Variants in IGLL5 observed in about 807,000 individuals in gnomAD.
The protein encoded by IGLL5 is immunoglobulin lambda like polypeptide 5.
IGLL5 carries 30 observed loss-of-function variants against 20.9 expected under a neutral mutation model. The ratio of observed to expected loss-of-function variants is 1.44; its 90% CI spans 1.07 to 1.95. The LOEUF (loss-of-function observed/expected upper bound fraction) is 1.95, where lower values mean the gene tolerates loss of function less well. IGLL5 is among the 30% of genes most tolerant of loss of function. The pLI, the probability that IGLL5 is intolerant of heterozygous loss-of-function variation, is 0.00. For missense variants in IGLL5, 475 were observed against 270.7 expected (o/e 1.75, Z -5.30); for synonymous variants, 203 against 117.3 (o/e 1.73, Z -4.72).
intron 1 of IGLL5, among the ~76,000 whole-genome samples, chr22:22,891,652 GACATGATGT>G (rs2067850226): frequency 6.6e-6 from 1 of 151,242 alleles, no homozygotes; most frequent in Non-Finnish European, 1.5e-5. Flanking sequence ...TTTGTTCAGA[GACATGATGT>G]ACTCTCCATT....
chr22:22,889,718 G>A (rs569473934), intron 1 of IGLL5, among the ~76,000 whole-genome samples: 3 of 151,254 alleles, frequency 2.0e-5, no homozygotes, highest in East Asian at 2.0e-4. Context: ...CTCCTGAGTA[G>A]CTAGGACTAC....
At chr22:22,888,841 T>C (rs536417171) in intron 1 of IGLL5, among the ~76,000 whole-genome samples, 6 of 151,204 alleles carry the variant, frequency 4.0e-5, no homozygotes, top group Admixed American at 1.3e-4. Context: ...CCACGGCCCA[T>C]GTTTGGAGCA....
chr22:22,890,834 T>C (rs892244469), intron 1 of IGLL5, among the ~76,000 whole-genome samples: 2 of 151,148 alleles, frequency 1.3e-5, no homozygotes, highest in African/African-American at 2.4e-5. Flanking sequence ...GTGTTTATGG[T>C]TTTATTGTGT....
chr22:22,894,442 C>T (rs534219181), intron 2 of IGLL5, among the ~76,000 whole-genome samples: 5 of 151,462 alleles, frequency 3.3e-5, no homozygotes, highest in East Asian at 2.0e-4. Context: ...GTGCCAGAAT[C>T]CAACCCTCCC....
Position 22,888,267 on chromosome 22 carries a change from G to A in IGLL5, c.206+8G>A, listed in dbSNP as rs181787178. 7.1e-6 allele frequency: 11 copies of A among 1,546,734 alleles called. No homozygotes were observed. The highest frequency in any genetic ancestry group is 4.9e-5 in the East Asian group (2 of 40,624). On this transcript the variant is annotated splice_region_variant and intron_variant, in intron 1 of 2. Coordinates refer to ENST00000526893, the MANE Select transcript of IGLL5 (RefSeq NM_001178126.2). ...GCGGAGCCTGTGGGGCAGGTAAGGG[G>A]CAAGAGATTCCAGGGGATGTGGGGG...
At chr22:22,894,317 CAAGGGGAGA>C in intron 2 of IGLL5, among the ~76,000 whole-genome samples, 1 of 151,360 alleles carries the variant, frequency 6.6e-6, no homozygotes, top group East Asian at 2.0e-4. Flanking sequence ...GAGGTCACCC[CAAGGGGAGA>C]CCAATGGAGG....
At position 22,887,984 on chromosome 22, in the gene IGLL5, A is replaced by G. The variant is rs2067556162; in HGVS notation, c.-70A>G. 3 of 1,259,412 alleles carry G rather than the reference A, an allele frequency of 2.4e-6. No homozygotes were observed. Among genetic ancestry groups the G allele is most frequent in the Non-Finnish European group, 2.3e-6 (2 of 882,786 alleles). 78.0% of individuals were successfully genotyped at this position (1,259,412 alleles called of 1,614,324 possible). On this transcript the variant is annotated 5_prime_UTR_variant, in exon 1 of 3. Coordinates refer to ENST00000526893, the MANE Select transcript of IGLL5 (RefSeq NM_001178126.2). ...TGTAACAGCCCTGCTGGCGAGAGGG[A>G]CCAGGGCACCGTCCTCCAGGGAGCC...
At position 22,895,440 on chromosome 22, in the gene IGLL5, A is replaced by G. The variant is rs2066745969; in HGVS notation, c.391A>G (p.Lys131Glu). 6.2e-7 allele frequency: 1 copy of G among 1,612,828 alleles called. No individual in the cohort carries two copies. The highest frequency in any genetic ancestry group is 8.5e-7 in the Non-Finnish European group (1 of 1,179,562). The change falls in exon 3 of 3, where the codon AAG becomes GAG. Residue 131 changes from lysine (K) to glutamate (E), a missense_variant. By Grantham distance (56) the Lys-to-Glu change is moderately conservative (BLOSUM62 1). Transcript: ENST00000526893. ...PPSSEELQAN[K>E]ATLVCLISDF... ...CTCCTCTGAGGAGCTCCAAGCCAACAAGGCCACACTAGTGTGTCTGATCAG... is the reference window on the plus strand; with the variant it reads ...CTCCTCTGAGGAGCTCCAAGCCAACGAGGCCACACTAGTGTGTCTGATCAG...
At chr22:22,895,018 A>C (rs577430427) in intron 2 of IGLL5, among the ~76,000 whole-genome samples, 2 of 151,398 alleles carry the variant, frequency 1.3e-5, no homozygotes, top group African/African-American at 2.4e-5. Flanking sequence ...GGAGGGGGGT[A>C]TAGGGATGGA....
intron 1 of IGLL5, among the ~76,000 whole-genome samples, chr22:22,889,733 G>A (rs1473776340): frequency 6.6e-6 from 1 of 151,136 alleles, no homozygotes; most frequent in Non-Finnish European, 1.5e-5. Context: ...GACTACAGAT[G>A]CAGGCCACTA....
In IGLL5 at chr22:22,888,043, C is replaced by A. The variant is rs528299670; in HGVS notation, c.-11C>A. On this transcript the variant is annotated 5_prime_UTR_variant, in exon 1 of 3. Coordinates refer to ENST00000526893, the MANE Select transcript of IGLL5 (RefSeq NM_001178126.2). ...AAGTCGGGCCAGAGGTGCCCCTGAA[C>A]CTGAAGGCCAATGAGACCCAAGACA... 2 of 1,548,488 alleles carry A rather than the reference C, an allele frequency of 1.3e-6. No homozygotes were observed. Among genetic ancestry groups the A allele is most frequent in the Admixed American group, 2.0e-5 (1 of 50,800 alleles).
Position 22,893,818 on chromosome 22 carries a change from G to A in IGLL5, c.325G>A (p.Gly109Ser), listed in dbSNP as rs201857114. ...FGTGTKVTVLGQPKANPTVTL... is the reference protein window; with the variant it reads ...FGTGTKVTVLSQPKANPTVTL... ...AACTGGGACCAAGGTCACCGTCCTA[G>A]GTAAGTGGCTCTCAACCTTTCCCAG... Residue 109 changes from glycine (G) to serine (S), a missense_variant and splice_region_variant, in exon 2 of 3, where the codon GGT (glycine) becomes AGT (serine). Gly to Ser is a moderately conservative substitution (Grantham distance 56). Coordinates refer to ENST00000526893, the MANE Select transcript of IGLL5 (RefSeq NM_001178126.2). 24 of 1,598,088 alleles carry A rather than the reference G, an allele frequency of 1.5e-5. No individual in the cohort carries two copies. The highest frequency in any genetic ancestry group is 5.4e-5 in the African/African-American group (4 of 74,426).
At chr22:22,889,668 G>A (rs2067743700) in intron 1 of IGLL5, among the ~76,000 whole-genome samples, 1 of 151,272 alleles carries the variant, frequency 6.6e-6, no homozygotes, top group African/African-American at 2.4e-5. Flanking sequence ...GCTCACTGCA[G>A]CCTCAACCTC....
rs377135492 is a variant in IGLL5, at chr22:22,895,489, C to A, written c.440C>A (p.Thr147Lys). 20 of 1,612,656 alleles carry A rather than the reference C, an allele frequency of 1.2e-5. No homozygotes were observed. Among genetic ancestry groups the A allele is most frequent in the African/African-American group, 2.7e-5 (2 of 74,770 alleles). The change falls in exon 3 of 3, where the codon ACA becomes AAA. Residue 147 changes from threonine to lysine, a missense_variant. Transcript: ENST00000526893. ...AGTGACTTCTACCCGGGAGCTGTGA[C>A]AGTGGCCTGGAAGGCAGATGGCAGC... ...LISDFYPGAVTVAWKADGSPV... is the reference protein window; with the variant it reads ...LISDFYPGAVKVAWKADGSPV...
At chr22:22,889,003 G>C (rs575097775) in intron 1 of IGLL5, among the ~76,000 whole-genome samples, 1 of 151,322 alleles carries the variant, frequency 6.6e-6, no homozygotes, top group Non-Finnish European at 1.5e-5. Flanking sequence ...GGGTGACTGG[G>C]AAGGGGAGGC....
intron 2 of IGLL5, among the ~76,000 whole-genome samples, chr22:22,894,235 G>A (rs530925852): frequency 1.3e-5 from 2 of 151,316 alleles, no homozygotes; most frequent in Middle Eastern, 3.8e-3. Context: ...GCAGCCCCAA[G>A]AACAGCTGAG....
At chr22:22,894,427 G>C (rs896264787) in intron 2 of IGLL5, among the ~76,000 whole-genome samples, 1 of 151,504 alleles carries the variant, frequency 6.6e-6, no homozygotes. Context: ...GTGAGACTGG[G>C]TGAGGTGCCA....
At chr22:22,893,922 A>AACATT in intron 2 of IGLL5, 104 bp downstream of exon 2, 1 of 832,854 alleles carries the variant, frequency 1.2e-6, no homozygotes, top group Non-Finnish European at 2.1e-6. Context: ...CCCAGCCTTA[A>AACATT]GCACTGACCC....
intron 1 of IGLL5, among the ~76,000 whole-genome samples, chr22:22,888,972 A>T (rs538128969): frequency 1.3e-5 from 2 of 151,422 alleles, no homozygotes; most frequent in East Asian, 2.0e-4. Context: ...AGGAGAGCAC[A>T]GGATGAGGCT....
Sources: gnomAD v4.1 joint callset for allele counts (sites outside exome capture counted in the v4.1 genomes callset) on GRCh38, gnomAD v4.1.1 for gene constraint, MANE v1.5 for transcripts, NCBI Gene and HGNC (gene_info 2026-07-23, HGNC 2026-07-21) for gene names.